The following N4BP1 variants were observed in gnomAD, a reference collection of about 807,000 sequenced individuals.
N4BP1 encodes the protein NEDD4 binding protein 1.
A neutral mutation model predicts 70.9 loss-of-function variants in N4BP1; 21 were observed. The ratio of observed to expected loss-of-function variants is 0.30; its 90% CI spans 0.21 to 0.43. N4BP1 has a LOEUF of 0.43. Among genes scored for constraint, N4BP1 ranks in the 20% least tolerant of loss-of-function variants. The pLI is 1.00. For synonymous variants in N4BP1, 387 were observed against 394.6 expected (o/e 0.98, Z 0.23); for missense variants, 936 against 1,069.4 (o/e 0.88, Z 1.74).
intron 1 of N4BP1, among the ~76,000 whole-genome samples, chr16:48,578,841 A>G (rs1964136254): frequency 6.6e-6 from 1 of 152,196 alleles, no homozygotes; most frequent in South Asian, 2.1e-4. Flanking sequence ...AAGTGTATTA[A>G]TCTCTGCTTT....
chr16:48,554,048 T>A (rs958702546), intron 2 of N4BP1, among the ~76,000 whole-genome samples: 5 of 152,162 alleles, frequency 3.3e-5, no homozygotes, highest in Non-Finnish European at 7.3e-5. Flanking sequence ...TCCACTCTTT[T>A]TAGGGAATGG....
intron 4 of N4BP1, among the ~76,000 whole-genome samples, chr16:48,549,368 G>T (rs1963633063): frequency 6.6e-6 from 1 of 152,162 alleles, no homozygotes; most frequent in African/African-American, 2.4e-5. Flanking sequence ...AGGCAGTAAG[G>T]CTTCTGAGTT....
chr16:48,609,903 G>A lies in N4BP1; in HGVS notation c.70C>T (p.Arg24Cys), dbSNP rs749479818. Reference protein sequence around the residue: ...AEKAELLEQSRGRIEGLFGVS... With the variant: ...AEKAELLEQSCGRIEGLFGVS... ...CCAAACAGGCCCTCGATACGGCCGC[G>A]GCTCTGCTCCAGCAGCTCCGCCTTC... Residue 24 changes from arginine to cysteine, a missense_variant, in exon 1 of 7, where the codon CGC (arginine) becomes TGC (cysteine). Physicochemically the swap from Arg to Cys is radical, Grantham distance 180 (BLOSUM62 -3). Transcript: ENST00000262384. The A allele has an allele frequency of 6.8e-7, 1 of 1,468,694 alleles. No homozygotes were observed. Among genetic ancestry groups the A allele is most frequent in the Middle Eastern group, 2.2e-4 (1 of 4,624 alleles). The allele number at this position is 1,468,694 out of a possible 1,614,324, so 91.0% of individuals were successfully genotyped here.
rs145021233 is a variant in N4BP1 at position 48,596,735 on chromosome 16, T to C, written c.198+13040A>G. Among the ~76,000 whole-genome samples, 175 of 152,296 alleles carry C rather than the reference T, an allele frequency of 1.1e-3. 1 individual carries two copies. The highest frequency in any genetic ancestry group is 2.0e-3 in the Non-Finnish European group (137 of 68,018). On this transcript the variant is annotated intron_variant, in intron 1 of 6. Coordinates refer to ENST00000262384, the MANE Select transcript of N4BP1 (RefSeq NM_153029.4). ...TGGTTTGACTCTGAAACAAAACTGA[T>C]AATAGCCCTTTCCTGAAAAGACTCC...
At chr16:48,560,496 C>A (rs1963837905) in intron 2 of N4BP1, 4 of 406,484 alleles carry the variant, frequency 9.8e-6, no homozygotes, top group Non-Finnish European at 1.8e-5. Flanking sequence ...CTGAGCAATG[C>A]AACGTGAAAA....
At chr16:48,582,640 C>T (rs1597105817) in intron 1 of N4BP1, among the ~76,000 whole-genome samples, 3 of 152,176 alleles carry the variant, frequency 2.0e-5, no homozygotes, top group East Asian at 1.9e-4. Context: ...TGTCGTTAAT[C>T]CTTTATTGTG....
At chr16:48,572,303 AC>A (rs1044542402) in intron 1 of N4BP1, among the ~76,000 whole-genome samples, 1 of 152,104 alleles carries the variant, frequency 6.6e-6, no homozygotes, top group East Asian at 1.9e-4. Flanking sequence ...AAAACAAAAT[AC>A]CTAGGCATGA....
intron 1 of N4BP1, among the ~76,000 whole-genome samples, chr16:48,580,701 C>T (rs1308381381): frequency 6.6e-6 from 1 of 152,138 alleles, no homozygotes; most frequent in Admixed American, 6.5e-5. Flanking sequence ...TTGGCCTTCT[C>T]TATCTGTGGT....
At chr16:48,570,345 ACTTTTT>A (rs1963998437) in intron 1 of N4BP1, among the ~76,000 whole-genome samples, 1 of 152,000 alleles carries the variant, frequency 6.6e-6, no homozygotes, top group African/African-American at 2.4e-5. Context: ...GTTTGGTGAT[ACTTTTT>A]CTTTTCTTTT....
rs1964648561 is a variant in N4BP1, at chr16:48,609,720, C to G, written c.198+55G>C. On this transcript the variant is annotated intron_variant, in intron 1 of 6. Coordinates refer to ENST00000262384, the MANE Select transcript of N4BP1 (RefSeq NM_153029.4). Reference sequence around the variant, plus strand: ...GCGGGGGCGGGGAGGAGCGGGAGCCCGGAGACCCGGACCGATCGAGGCCGC... The same window carrying G: ...GCGGGGGCGGGGAGGAGCGGGAGCCGGGAGACCCGGACCGATCGAGGCCGC... The G allele has an allele frequency of 3.2e-6, 4 of 1,240,836 alleles. No homozygotes were observed. In the East Asian group the frequency reaches 9.8e-5, roughly 30 times the overall value. 76.9% of individuals were successfully genotyped at this position (1,240,836 alleles called of 1,614,324 possible).
intron 6 of N4BP1, among the ~76,000 whole-genome samples, chr16:48,545,340 C>T (rs1462835739): frequency 3.4e-5 from 5 of 148,432 alleles, no homozygotes; most frequent in East Asian, 2.2e-4. Flanking sequence ...GAGGCCGAAG[C>T]GGGTGGATCA....
At chr16:48,573,743 T>C (rs1964055160) in intron 1 of N4BP1, among the ~76,000 whole-genome samples, 1 of 152,208 alleles carries the variant, frequency 6.6e-6, no homozygotes. Context: ...TAGCTTACTG[T>C]TGATTAGAGG....
chr16:48,605,452 C>T (rs552325540), intron 1 of N4BP1, among the ~76,000 whole-genome samples: 6 of 152,152 alleles, frequency 3.9e-5, no homozygotes, highest in Non-Finnish European at 8.8e-5. Context: ...TCTCTATTTG[C>T]GAATGAGGCA....
intron 1 of N4BP1, chr16:48,600,312 TG>T: frequency 9.1e-7 from 1 of 1,103,762 alleles, no homozygotes; most frequent in Non-Finnish European, 1.4e-6. Flanking sequence ...CAAAGTTAGG[TG>T]GACCAAAGCA....
At chr16:48,579,248 A>G (rs1192633378) in intron 1 of N4BP1, among the ~76,000 whole-genome samples, 1 of 152,250 alleles carries the variant, frequency 6.6e-6, no homozygotes, top group Non-Finnish European at 1.5e-5. Context: ...GCTGACATCC[A>G]GCCTAGTTAT....
At chr16:48,556,324 C>T (rs1274023396) in intron 2 of N4BP1, among the ~76,000 whole-genome samples, 1 of 152,024 alleles carries the variant, frequency 6.6e-6, no homozygotes, top group South Asian at 2.1e-4. Flanking sequence ...GATTAAGGAC[C>T]CTTCTTCCTA....
chr16:48,592,244 A>G (rs2151099263), intron 1 of N4BP1, among the ~76,000 whole-genome samples: 1 of 152,322 alleles, frequency 6.6e-6, no homozygotes, highest in South Asian at 2.1e-4. Context: ...AACAGAAACA[A>G]AAACAAAATC....
At chr16:48,551,507 A>G in intron 3 of N4BP1, 25 bp from the exon 4 acceptor site, 1 of 1,526,150 alleles carries the variant, frequency 6.6e-7, no homozygotes, top group South Asian at 1.2e-5. Flanking sequence ...AGTTGAATAT[A>G]CATTCAGAAA....
intron 2 of N4BP1, 39 bp from the exon 3 acceptor site, chr16:48,553,708 T>G: frequency 6.7e-7 from 1 of 1,483,498 alleles, no homozygotes; most frequent in Non-Finnish European, 9.0e-7. Context: ...TAAAGTTTAT[T>G]TCTGTTTAAA....
Sources: allele counts gnomAD v4.1 joint callset (sites outside exome capture counted in the v4.1 genomes callset), GRCh38; gene constraint gnomAD v4.1.1; transcripts MANE v1.5; gene names NCBI Gene and HGNC (gene_info 2026-07-23, HGNC 2026-07-21).